Variants in MRRF observed in about 807,000 individuals in gnomAD.
The protein encoded by MRRF is mitochondrial ribosome recycling factor.
MRRF carries 18 observed loss-of-function variants against 25.1 expected under a neutral mutation model. The observed-to-expected ratio is 0.72, with a 90% CI of 0.50 to 1.06. The LOEUF (loss-of-function observed/expected upper bound fraction) is 1.06, where lower values mean the gene tolerates loss of function less well. Ranked by LOEUF, MRRF falls within the 50% of genes least tolerant of loss-of-function variation. The pLI is 0.00. For missense variants in MRRF, 323 were observed against 319.3 expected (o/e 1.01, Z -0.09); for synonymous variants, 113 against 112.1 (o/e 1.01, Z -0.05).
rs367892122 is a variant in MRRF at position 122,301,732 on chromosome 9, A to AT, written c.551+9905dup. Among the ~76,000 whole-genome samples, 1,240 of 143,242 alleles carry AT rather than the reference A, an allele frequency of 8.7e-3. 10 individuals are homozygous for AT. Among genetic ancestry groups the AT allele is most frequent in the Middle Eastern group, 0.018 (5 of 278 alleles). The allele number at this position is 143,242 out of a possible 152,430, so 94.0% of individuals were successfully genotyped here. Reference sequence around the variant, plus strand: ...TATTCTATGACTTTTCTGCATGGTGATTTTTTTTTTTTTCTTTTTGAGATA... The same window carrying AT: ...TATTCTATGACTTTTCTGCATGGTGATTTTTTTTTTTTTTCTTTTTGAGATA... On this transcript the variant is annotated intron_variant, in intron 5 of 6. Transcript: ENST00000344641.
rs1836072507 is a variant in MRRF, at chr9:122,324,709, T to G, written c.*2092T>G. On this transcript the variant is annotated 3_prime_UTR_variant, in exon 7 of 7. Transcript: ENST00000344641. ...AGTTCTTTCAAAGCAACATCCAACTTCTCTTTGCTCTTTGACTTCCTCCAG... is the reference window on the plus strand; with the variant it reads ...AGTTCTTTCAAAGCAACATCCAACTGCTCTTTGCTCTTTGACTTCCTCCAG... 6.6e-6 allele frequency: 1 copy of G among 152,232 alleles called. No individual in the cohort carries two copies. The allele number at this position is 152,232 out of a possible 1,614,324, so 9.4% of individuals were successfully genotyped here. A position where few individuals can be genotyped will look rare whatever the true frequency, so the allele number is the denominator to read the frequency against.
At chr9:122,300,722 A>G (rs1834396530) in intron 5 of MRRF, among the ~76,000 whole-genome samples, 1 of 151,674 alleles carries the variant, frequency 6.6e-6, no homozygotes, top group Non-Finnish European at 1.5e-5. Context: ...TTTTTCCCCT[A>G]TCTTTTCCTG....
chr9:122,313,365 C>A lies in MRRF; in HGVS notation c.690C>A (p.Thr230=). 6.2e-7 allele frequency: 1 copy of A among 1,614,042 alleles called. No individual in the cohort carries two copies. The highest frequency in any genetic ancestry group is 8.5e-7 in the Non-Finnish European group (1 of 1,179,926). Reference sequence around the variant, plus strand: ...CCAAGGATACAGTCTCAGAGGACACCATTAGGCTAATAGAGAAACAGGTAC... The same window carrying A: ...CCAAGGATACAGTCTCAGAGGACACAATTAGGCTAATAGAGAAACAGGTAC... ...KKSKDTVSED[T]IRLIEKQISQ... The change falls in exon 6 of 7, where the codon ACC becomes ACA. Residue 230 remains threonine, a synonymous_variant. Coordinates refer to ENST00000344641, the MANE Select transcript of MRRF (RefSeq NM_138777.5).
At chr9:122,313,521 T>C in intron 6 of MRRF, 135 bp downstream of exon 6, 1 of 1,054,482 alleles carries the variant, frequency 9.5e-7, no homozygotes, top group South Asian at 1.3e-5. Context: ...TGAGTCTCTG[T>C]TCTGGGCCTA....
At chr9:122,285,065 A>T (rs1833302398) in intron 3 of MRRF, 104 bp from the exon 4 acceptor site, 1 of 757,800 alleles carries the variant, frequency 1.3e-6, no homozygotes, top group African/African-American at 1.7e-5. Context: ...CTGGGATAAC[A>T]GGCATGAGCC....
chr9:122,305,621 A>AGGG (rs1834793158), intron 5 of MRRF, among the ~76,000 whole-genome samples: 1 of 152,152 alleles, frequency 6.6e-6, no homozygotes, highest in Non-Finnish European at 1.5e-5. Flanking sequence ...TTAGTACTGA[A>AGGG]GGGGAGCAGA....
At chr9:122,315,314 T>C (rs557371064) in intron 6 of MRRF, among the ~76,000 whole-genome samples, 1 of 152,288 alleles carries the variant, frequency 6.6e-6, no homozygotes, top group South Asian at 2.1e-4. Context: ...TTTAAAAAGC[T>C]CTCAGGTAAT....
intron 2 of MRRF, among the ~76,000 whole-genome samples, chr9:122,279,969 C>T (rs1832997532): frequency 6.6e-6 from 1 of 152,202 alleles, no homozygotes; most frequent in Admixed American, 6.5e-5. Flanking sequence ...TGACCTGTGA[C>T]ATTAGGCAAA....
chr9:122,315,970 G>C (rs940711755), intron 6 of MRRF, among the ~76,000 whole-genome samples: 2 of 151,954 alleles, frequency 1.3e-5, no homozygotes, highest in African/African-American at 4.8e-5. Context: ...TTTTTCTTTA[G>C]TGCTTCTTAC....
chr9:122,311,407 T>A (rs1835197524), intron 5 of MRRF, among the ~76,000 whole-genome samples: 1 of 152,224 alleles, frequency 6.6e-6, no homozygotes, highest in Admixed American at 6.5e-5. Context: ...GATTATTGCC[T>A]CTTTGCATCC....
chr9:122,320,190 T>G (rs1564517540), intron 6 of MRRF, among the ~76,000 whole-genome samples: 2 of 152,042 alleles, frequency 1.3e-5, no homozygotes, highest in Non-Finnish European at 2.9e-5. Context: ...ATTAATTAAT[T>G]GGAAAGAAGT....
At chr9:122,274,447 A>G (rs1204737224) in intron 2 of MRRF, among the ~76,000 whole-genome samples, 1 of 152,052 alleles carries the variant, frequency 6.6e-6, no homozygotes, top group Non-Finnish European at 1.5e-5. Flanking sequence ...ACTTGAGGTC[A>G]GTAGTTGGAG....
intron 5 of MRRF, among the ~76,000 whole-genome samples, chr9:122,300,063 A>C (rs1834353703): frequency 6.6e-6 from 1 of 152,142 alleles, no homozygotes; most frequent in Admixed American, 6.5e-5. Context: ...CTGGTGGAGA[A>C]AGGGAAGGAA....
intron 5 of MRRF, among the ~76,000 whole-genome samples, chr9:122,298,513 A>G (rs1196464324): frequency 1.3e-5 from 2 of 152,206 alleles, no homozygotes; most frequent in Non-Finnish European, 2.9e-5. Flanking sequence ...CAGTCACCCC[A>G]AAAAGTTATC....
rs77946414 is a variant in MRRF, at chr9:122,296,012, C to A, written c.551+4172C>A. ...CTCTTAACTATAATCTGCCTCTGATCTTTTGGGGAAGTAGGTAAAAGATAA... is the reference window on the plus strand; with the variant it reads ...CTCTTAACTATAATCTGCCTCTGATATTTTGGGGAAGTAGGTAAAAGATAA... On this transcript the variant is annotated intron_variant, in intron 5 of 6. Coordinates refer to ENST00000344641, the MANE Select transcript of MRRF (RefSeq NM_138777.5). 1.2e-3 allele frequency among the ~76,000 whole-genome samples: 190 copies of A among 152,270 alleles called. 1 individual carries two copies. Among genetic ancestry groups the A allele is most frequent in the Middle Eastern group, 6.8e-3 (2 of 294 alleles).
chr9:122,274,784 T>C (rs1388191913), intron 2 of MRRF, among the ~76,000 whole-genome samples: 3 of 152,082 alleles, frequency 2.0e-5, no homozygotes, highest in Admixed American at 6.6e-5. Flanking sequence ...TAATATTATT[T>C]ATCTGCATCT....
chr9:122,267,281 T>C (rs1832173488), intron 1 of MRRF, among the ~76,000 whole-genome samples: 1 of 149,676 alleles, frequency 6.7e-6, no homozygotes, highest in South Asian at 2.1e-4. Flanking sequence ...CTCAGGAGGC[T>C]GAGGCAGGAG....
rs1196101009 is a variant in MRRF, at chr9:122,324,883, A to G, written c.*2266A>G. On this transcript the variant is annotated 3_prime_UTR_variant, in exon 7 of 7. Coordinates refer to ENST00000344641, the MANE Select transcript of MRRF (RefSeq NM_138777.5). The stretch of plus-strand genomic sequence containing the variant: ...ACTTACCTGTCCTCTAACCCCATCC[A>G]CCAGCCCTAAGTGGTCATCACATGA... The G allele has an allele frequency of 2.6e-5, 4 of 152,160 alleles. No individual in the cohort carries two copies. The highest frequency in any genetic ancestry group is 4.8e-5 in the African/African-American group (2 of 41,412). The allele number at this position is 152,160 out of a possible 1,614,324, so 9.4% of individuals were successfully genotyped here.
At chr9:122,300,938 C>T (rs747216412) in intron 5 of MRRF, among the ~76,000 whole-genome samples, 3 of 152,204 alleles carry the variant, frequency 2.0e-5, no homozygotes, top group East Asian at 1.9e-4. Context: ...AATTTCTTTA[C>T]GTTCCTGAAA....
Sources: gnomAD v4.1 joint callset for allele counts (sites outside exome capture counted in the v4.1 genomes callset) on GRCh38, gnomAD v4.1.1 for gene constraint, MANE v1.5 for transcripts, NCBI Gene and HGNC (gene_info 2026-07-23, HGNC 2026-07-21) for gene names.